MICALL1: variants seen among roughly 807,000 people sequenced by gnomAD.
The protein encoded by MICALL1 is MICAL-like protein 1.
In MICALL1, 61 loss-of-function variants were observed where a neutral mutation model predicts 83.7. That is an observed-to-expected ratio of 0.73 (90% CI 0.59 to 0.90). The LOEUF (loss-of-function observed/expected upper bound fraction) is 0.90. Among genes scored for constraint, MICALL1 ranks in the 40% least tolerant of loss-of-function variants. The pLI, the probability that MICALL1 is intolerant of heterozygous loss-of-function variation, is 0.00. For synonymous variants in MICALL1, 481 were observed against 473.6 expected (o/e 1.02, Z -0.20); for missense variants, 1,066 against 1,152.0 (o/e 0.93, Z 1.08).
intron 13 of MICALL1, among the ~76,000 whole-genome samples, chr22:37,936,752 C>T (rs550948561): frequency 2.8e-4 from 42 of 152,218 alleles, no homozygotes; most frequent in African/African-American, 8.7e-4. Context: ...ATTAGCTGAG[C>T]GTGGTGGCAG....
intron 2 of MICALL1, 148 bp from the exon 3 acceptor site, chr22:37,912,203 G>C: frequency 1.8e-6 from 2 of 1,124,640 alleles, no homozygotes; most frequent in Non-Finnish European, 2.5e-6. Flanking sequence ...GCCATCCTGT[G>C]GTGCTTGGGT....
chr22:37,919,152 C>T lies in MICALL1; in HGVS notation c.543C>T (p.Gly181=), dbSNP rs1193465337. 1.4e-5 allele frequency: 22 copies of T among 1,545,998 alleles called. No homozygotes were observed. Among genetic ancestry groups the T allele is most frequent in the Non-Finnish European group, 1.9e-5 (22 of 1,143,642 alleles). ...VHLVQRYLAD[G]RLYHRHCFRC... ...TGGTGCAGCGCTACCTGGCTGACGG[C>T]AGGCTGTACCATCGCCACTGCTTCC... is the stretch of plus-strand genomic sequence containing the variant. The change falls in exon 5 of 16, where the codon GGC becomes GGT. Residue 181 remains glycine (G), a synonymous_variant. Transcript: ENST00000215957.
chr22:37,906,408 G>C lies in MICALL1; in HGVS notation c.-15G>C, dbSNP rs1927941513. On this transcript the variant is annotated 5_prime_UTR_variant, in exon 1 of 16. Coordinates refer to ENST00000215957, the MANE Select transcript of MICALL1 (RefSeq NM_033386.4). This position sits in a 1 kb window ranked among gnomAD's most constrained non-coding sequence, Gnocchi z 4.4. ...GCCCCGAAGCCAGAGCCGGAGCCGGGCGGGCCGCGGGGTCATGGCTGGGCC... is the reference window on the plus strand; with the variant it reads ...GCCCCGAAGCCAGAGCCGGAGCCGGCCGGGCCGCGGGGTCATGGCTGGGCC... 2 of 1,108,994 alleles carry C rather than the reference G, an allele frequency of 1.8e-6. No individual in the cohort carries two copies. Among genetic ancestry groups the C allele is most frequent in the Non-Finnish European group, 1.1e-6 (1 of 909,510 alleles). The allele number at this position is 1,108,994 out of a possible 1,614,324, so 68.7% of individuals were successfully genotyped here. A position where few individuals can be genotyped will look rare whatever the true frequency, so the allele number is the denominator to read the frequency against.
In MICALL1 at chr22:37,940,784, G is replaced by A; in HGVS notation, c.2546G>A (p.Gly849Glu). ...ACCATGAAGATGTTGAAACTGCTAG[G>A]AAACAAACGTGATGCCAAGAGCAAG... ...FKTMKMLKLL[G>E]NKRDAKSKSP... The change falls in exon 16 of 16, where the codon GGA becomes GAA. Residue 849 changes from glycine (G) to glutamate (E), a missense_variant. Transcript: ENST00000215957. 3 of 1,614,146 alleles carry A rather than the reference G, an allele frequency of 1.9e-6. No individual in the cohort carries two copies. Among genetic ancestry groups the A allele is most frequent in the African/African-American group, 2.7e-5 (2 of 75,052 alleles).
Position 37,906,544 on chromosome 22 carries a change from T to TGCACCG in MICALL1, c.131_136dup (p.His44_Arg45dup), listed in dbSNP as rs1257461893. On this transcript the variant is annotated inframe_insertion, in exon 1 of 16. Transcript: ENST00000215957. This position sits in a 1 kb window ranked among gnomAD's most constrained non-coding sequence, Gnocchi z 4.4. ...GACGGCCTGGCCTTCTGCGCCATCC[T>TGCACCG]GCACCGGCACCGGCCCGACCTGCTG... is the stretch of plus-strand genomic sequence containing the variant. The TGCACCG allele has an allele frequency of 2.5e-6, 3 of 1,195,386 alleles. No homozygotes were observed. Among genetic ancestry groups the TGCACCG allele is most frequent in the Non-Finnish European group, 3.1e-6 (3 of 957,204 alleles). The allele number at this position is 1,195,386 out of a possible 1,614,324, so 74.0% of individuals were successfully genotyped here. A position where few individuals can be genotyped will look rare whatever the true frequency, so the allele number is the denominator to read the frequency against.
At chr22:37,934,885 T>C (rs912483153) in intron 13 of MICALL1, among the ~76,000 whole-genome samples, 43 of 144,872 alleles carry the variant, frequency 3.0e-4, no homozygotes, top group South Asian at 1.1e-3. Context: ...CATGAGCCAC[T>C]GCGCCTGGCT....
chr22:37,912,897 G>A (rs548772375), intron 3 of MICALL1, among the ~76,000 whole-genome samples: 1 of 149,460 alleles, frequency 6.7e-6, no homozygotes, highest in Non-Finnish European at 1.5e-5. Flanking sequence ...TCTTGACCTC[G>A]TGATCTGCCC....
rs572880709 is a variant in MICALL1 at position 37,906,594 on chromosome 22, G to T, written c.146+26G>T. 1.3e-3 allele frequency: 1,463 copies of T among 1,157,790 alleles called. 14 individuals are homozygous for T. In the African/African-American group the frequency reaches 0.021, roughly 16 times the overall value. 71.7% of individuals were successfully genotyped at this position (1,157,790 alleles called of 1,614,324 possible). On this transcript the variant is annotated intron_variant, in intron 1 of 15. Coordinates refer to ENST00000215957, the MANE Select transcript of MICALL1 (RefSeq NM_033386.4). This position sits in a 1 kb window ranked among gnomAD's most constrained non-coding sequence, Gnocchi z 4.4. ...GTGAGTGCGGGGCCCCGGGCGAGCGGGCGGCGCGGGGCGGGCTGGGGCCGC... is the reference window on the plus strand; with the variant it reads ...GTGAGTGCGGGGCCCCGGGCGAGCGTGCGGCGCGGGGCGGGCTGGGGCCGC...
chr22:37,940,248 C>T (rs1930361452), intron 15 of MICALL1, among the ~76,000 whole-genome samples: 2 of 151,664 alleles, frequency 1.3e-5, no homozygotes, highest in African/African-American at 4.8e-5. Flanking sequence ...ACAGTGAAAC[C>T]CCATCTCTAC....
intron 10 of MICALL1, 55 bp downstream of exon 10, chr22:37,931,988 C>G: frequency 1.4e-5 from 22 of 1,586,062 alleles, no homozygotes; most frequent in Admixed American, 3.6e-5. Context: ...AACCCCCACT[C>G]TGCAGCTGCA....
intron 15 of MICALL1, among the ~76,000 whole-genome samples, chr22:37,938,890 G>A (rs1049159875): frequency 2.0e-5 from 3 of 152,100 alleles, no homozygotes; most frequent in Admixed American, 2.0e-4. Context: ...TGGGATTATA[G>A]GTGTGAGCCA....
chr22:37,931,901 C>T lies in MICALL1; in HGVS notation c.1984C>T (p.Pro662Ser). The T allele has an allele frequency of 3.1e-6, 5 of 1,614,154 alleles. No individual in the cohort carries two copies. Among genetic ancestry groups the T allele is most frequent in the Non-Finnish European group, 4.2e-6 (5 of 1,180,016 alleles). Residue 662 changes from proline (P) to serine (S), a missense_variant, in exon 10 of 16, where the codon CCT (proline) becomes TCT (serine). Coordinates refer to ENST00000215957, the MANE Select transcript of MICALL1 (RefSeq NM_033386.4). ...KGSKPVRPPA[P>S]GHGFPLIKRK... ...ATCCAAGCCAGTGAGGCCACCTGCCCCTGGACACGGCTTTCCACTCATCAA... is the reference window on the plus strand; with the variant it reads ...ATCCAAGCCAGTGAGGCCACCTGCCTCTGGACACGGCTTTCCACTCATCAA...
chr22:37,921,851 G>A (rs991741742), intron 5 of MICALL1, 121 bp from the exon 6 acceptor site: 6 of 899,194 alleles, frequency 6.7e-6, no homozygotes, highest in East Asian at 5.1e-5. Context: ...GTATGGAGTC[G>A]AGCTTGGCTG....
At chr22:37,918,960 G>C in intron 4 of MICALL1, 76 bp from the exon 5 acceptor site, 9 of 1,427,024 alleles carry the variant, frequency 6.3e-6, no homozygotes, top group Non-Finnish European at 8.4e-6. Flanking sequence ...TTGGAGGGAG[G>C]GAGAGGGCAG....
At position 37,932,928 on chromosome 22, in the gene MICALL1, T is replaced by C. The variant is rs756557290; in HGVS notation, c.2234+40T>C. 1 of 1,613,118 alleles carries C rather than the reference T, an allele frequency of 6.2e-7. No homozygotes were observed. The highest frequency in any genetic ancestry group is 1.1e-5 in the South Asian group (1 of 91,070). ...CTGGGGCATCCCTCCCTGGAATCCGTAGAGCTTAGAATGGAGAACCCTTAC... is the reference window on the plus strand; with the variant it reads ...CTGGGGCATCCCTCCCTGGAATCCGCAGAGCTTAGAATGGAGAACCCTTAC... On this transcript the variant is annotated intron_variant, in intron 12 of 15. Transcript: ENST00000215957. The surrounding 1 kb of genome is among the most constrained non-coding windows in gnomAD (Gnocchi z 4.4).
intron 3 of MICALL1, among the ~76,000 whole-genome samples, chr22:37,914,825 A>G (rs942546660): frequency 6.6e-6 from 1 of 151,282 alleles, no homozygotes; most frequent in African/African-American, 2.4e-5. Context: ...TATTTTTTGT[A>G]GAGGTGGAGT....
At chr22:37,940,631 C>T in intron 15 of MICALL1, 78 bp from the exon 16 acceptor site, 3 of 1,563,272 alleles carry the variant, frequency 1.9e-6, no homozygotes, top group Non-Finnish European at 2.6e-6. Flanking sequence ...ATGCCCAGGC[C>T]TGTGTCACTG....
In MICALL1 at chr22:37,919,196, C is replaced by T. The variant is rs1321847763; in HGVS notation, c.569+18C>T. The T allele has an allele frequency of 1.6e-5, 24 of 1,504,074 alleles. 1 individual carries two copies. Among genetic ancestry groups the T allele is most frequent in the Non-Finnish European group, 1.9e-5 (21 of 1,117,202 alleles). 93.2% of individuals were successfully genotyped at this position (1,504,074 alleles called of 1,614,324 possible). On this transcript the variant is annotated intron_variant, in intron 5 of 15. Coordinates refer to ENST00000215957, the MANE Select transcript of MICALL1 (RefSeq NM_033386.4). ...TGCTTCCGGTGAGTGGCCAGGGCCGCGTGTTACCCCCGAAACCAGGGAGGG... is the reference window on the plus strand; with the variant it reads ...TGCTTCCGGTGAGTGGCCAGGGCCGTGTGTTACCCCCGAAACCAGGGAGGG...
At chr22:37,912,146 C>A in intron 2 of MICALL1, 146 bp downstream of exon 2, 1 of 1,134,592 alleles carries the variant, frequency 8.8e-7, no homozygotes, top group Non-Finnish European at 1.3e-6. Flanking sequence ...CCTCTGCTTC[C>A]CACCAGCCTC....
Sources: gnomAD v4.1 joint callset for allele counts (sites outside exome capture counted in the v4.1 genomes callset) on GRCh38, gnomAD v4.1.1 for gene constraint, Gnocchi (gnomAD v3.1) non-coding constraint, MANE v1.5 for transcripts, NCBI Gene and HGNC (gene_info 2026-07-23, HGNC 2026-07-21) for gene names.